The following CDKL5 variants were observed in gnomAD, a reference collection of about 807,000 sequenced individuals.
CDKL5 encodes cyclin dependent kinase like 5.
A neutral mutation model predicts 61.7 loss-of-function variants in CDKL5; 8 were observed. The ratio of observed to expected loss-of-function variants is 0.13; its 90% confidence interval spans 0.08 to 0.23. The LOEUF is 0.23. Among genes scored for constraint, CDKL5 ranks in the 10% least tolerant of loss-of-function variants. The probability of loss-of-function intolerance (pLI) is 1.00; values close to 1 mark genes in which losing one functional copy is unlikely to be tolerated. For synonymous variants in CDKL5, 275 were observed against 272.3 expected, an observed-to-expected ratio of 1.01 and a Z score of -0.10; for missense variants, 440 against 734.5, an observed-to-expected ratio of 0.60 and a Z score of 4.63.
intron 8 of CDKL5, among the ~76,000 whole-genome samples, chrX:18,587,316 A>G (rs1925672952): frequency 8.9e-6 from 1 of 111,752 alleles, no homozygotes; most frequent in African/African-American, 3.2e-5. Context: ...AGAAGAAGCT[A>G]TAAACCCCTA....
chrX:18,449,412 A>G (rs1336507773), intron 1 of CDKL5, among the ~76,000 whole-genome samples: 1 of 112,020 alleles, frequency 8.9e-6, no homozygotes, highest in East Asian at 2.8e-4. Context: ...TGCAGACATC[A>G]TGGCCGAGAA....
At chrX:18,509,499 C>T (rs1416813281) in intron 2 of CDKL5, among the ~76,000 whole-genome samples, 1 of 111,329 alleles carries the variant, frequency 9.0e-6, no homozygotes, top group South Asian at 3.8e-4. Flanking sequence ...GTGAAGCCCC[C>T]TTCTCATAGA....
At position 18,634,107 on chromosome X, in the gene CDKL5, G is replaced by A. The variant is rs1451770522; in HGVS notation, c.*5350G>A. ...CCATTTGATCCTTGGTTCCTATTTCGATCCTCCTTTGGAATCTGAAAATCG... is the reference window on the plus strand; with the variant it reads ...CCATTTGATCCTTGGTTCCTATTTCAATCCTCCTTTGGAATCTGAAAATCG... On this transcript the variant is annotated 3_prime_UTR_variant, in exon 18 of 18. Transcript: ENST00000623535. 15 of 751,798 alleles carry A rather than the reference G, an allele frequency of 2.0e-5. No individual in the cohort carries two copies. The highest frequency in any genetic ancestry group is 8.9e-5 in the Admixed American group (1 of 11,239). 62.0% of individuals were successfully genotyped at this position (751,798 alleles called of 1,213,427 possible).
intron 11 of CDKL5, among the ~76,000 whole-genome samples, chrX:18,602,581 A>G (rs1926213234): frequency 9.0e-6 from 1 of 111,453 alleles, no homozygotes; most frequent in Non-Finnish European, 1.9e-5. Flanking sequence ...CATTCAAGAG[A>G]TGAGGCCCCC....
In CDKL5 at chrX:18,529,977, T is replaced by C. The variant is rs1047066195; in HGVS notation, c.99+19123T>C. On this transcript the variant is annotated intron_variant, in intron 3 of 17. Coordinates refer to ENST00000623535, the MANE Select transcript of CDKL5 (RefSeq NM_001323289.2). Reference sequence around the variant, plus strand: ...CTTTTCTCTTCGTATTCCAATTACATATGTTACACCTTTTGTAATTTTCCC... The same window carrying C: ...CTTTTCTCTTCGTATTCCAATTACACATGTTACACCTTTTGTAATTTTCCC... Among the ~76,000 whole-genome samples, 4 of 111,374 alleles carry C rather than the reference T, an allele frequency of 3.6e-5. No individual in the cohort carries two copies. In the East Asian group the frequency reaches 1.1e-3, roughly 31 times the overall value.
chrX:18,629,854 A>T lies in CDKL5; in HGVS notation c.*1097A>T. ...TTACTCGTGGGTCTTTGTAGAGAGA[A>T]TGTGCTCTTCCACTTAGCATTAGTG... On this transcript the variant is annotated 3_prime_UTR_variant, in exon 18 of 18. Coordinates refer to ENST00000623535, the MANE Select transcript of CDKL5 (RefSeq NM_001323289.2). The T allele has an allele frequency of 8.0e-6, 6 of 754,260 alleles. No homozygotes were observed. Among genetic ancestry groups the T allele is most frequent in the Non-Finnish European group, 9.4e-6 (6 of 639,246 alleles). The allele number at this position is 754,260 out of a possible 1,213,427, so 62.2% of individuals were successfully genotyped here.
intron 3 of CDKL5, among the ~76,000 whole-genome samples, chrX:18,514,563 C>T (rs1019915453): frequency 3.7e-5 from 4 of 108,856 alleles, no homozygotes; most frequent in East Asian, 2.9e-4. Context: ...AAAAATTAGC[C>T]GGGCGTGGGG....
intron 1 of CDKL5, 133 bp downstream of exon 1, chrX:18,425,828 G>T (rs180704109): frequency 1.5e-4 from 17 of 112,697 alleles, no homozygotes; most frequent in African/African-American, 4.8e-4. Flanking sequence ...CGGGGGCGCC[G>T]GTTCCCCCGG....
intron 9 of CDKL5, among the ~76,000 whole-genome samples, chrX:18,591,545 C>G (rs146428924): frequency 1.3e-3 from 147 of 111,304 alleles, no homozygotes; most frequent in Non-Finnish European, 2.3e-3. Context: ...TCAAACCACA[C>G]AATTCTCTTT....
At chrX:18,598,367 G>C (rs1400067440) in intron 10 of CDKL5, 95 bp from the exon 11 acceptor site, 10 of 628,459 alleles carry the variant, frequency 1.6e-5, no homozygotes, top group Non-Finnish European at 2.3e-5. Context: ...TGCAATGACT[G>C]TGTATTTCTT....
At chrX:18,532,485 A>G (rs1453005167) in intron 3 of CDKL5, among the ~76,000 whole-genome samples, 1 of 111,045 alleles carries the variant, frequency 9.0e-6, no homozygotes, top group East Asian at 2.8e-4. Flanking sequence ...TTTCTAAGGC[A>G]CTTTGAAATC....
intron 3 of CDKL5, among the ~76,000 whole-genome samples, chrX:18,561,359 G>A (rs761005762): frequency 9.1e-6 from 1 of 110,032 alleles, no homozygotes; most frequent in South Asian, 3.8e-4. Flanking sequence ...AAACATGAAT[G>A]CAAATCAATC....
At chrX:18,443,440 A>G (rs1418479750) in intron 1 of CDKL5, among the ~76,000 whole-genome samples, 1 of 112,112 alleles carries the variant, frequency 8.9e-6, no homozygotes, top group East Asian at 2.8e-4. Flanking sequence ...ATATTATTTC[A>G]TCATCCAGGT....
In CDKL5 at chrX:18,633,060, C is replaced by G. The variant is rs1015232183; in HGVS notation, c.*4303C>G. 1 of 752,423 alleles carries G rather than the reference C, an allele frequency of 1.3e-6. No homozygotes were observed. The highest frequency in any genetic ancestry group is 1.6e-6 in the Non-Finnish European group (1 of 638,943). 62.0% of individuals were successfully genotyped at this position (752,423 alleles called of 1,213,427 possible). A position where few individuals can be genotyped will look rare whatever the true frequency, so the allele number is the denominator to read the frequency against. On this transcript the variant is annotated 3_prime_UTR_variant, in exon 18 of 18. Transcript: ENST00000623535. ...GGCAATGGCTCAATGTGATTCGGTGCTGGAGCTCAGCTGGGACTCAGTAAA... is the reference window on the plus strand; with the variant it reads ...GGCAATGGCTCAATGTGATTCGGTGGTGGAGCTCAGCTGGGACTCAGTAAA...
chrX:18,590,476 G>C (rs144262478), intron 9 of CDKL5, among the ~76,000 whole-genome samples: 1 of 111,292 alleles, frequency 9.0e-6, no homozygotes, highest in Non-Finnish European at 1.9e-5. Context: ...TTTCCCTTTA[G>C]AGACCACCAC....
chrX:18,528,530 A>G (rs924951824), intron 3 of CDKL5, among the ~76,000 whole-genome samples: 38 of 110,602 alleles, frequency 3.4e-4, no homozygotes, highest in African/African-American at 1.2e-3. Context: ...GATTAGTGTT[A>G]TCGTGGTATA....
chrX:18,540,671 T>TTTCCCC (rs986442427), intron 3 of CDKL5, among the ~76,000 whole-genome samples: 4 of 110,007 alleles, frequency 3.6e-5, no homozygotes, highest in Non-Finnish European at 5.7e-5. Flanking sequence ...TTTTCTTTTC[T>TTTCCCC]TTCCCCTTCC....
At chrX:18,576,227 T>G (rs1303438449) in intron 5 of CDKL5, among the ~76,000 whole-genome samples, 1 of 111,141 alleles carries the variant, frequency 9.0e-6, no homozygotes, top group Non-Finnish European at 1.9e-5. Context: ...CTCAGGAGTT[T>G]GAGAATAGCC....
At chrX:18,591,225 C>A (rs193057310) in intron 9 of CDKL5, among the ~76,000 whole-genome samples, 1 of 112,005 alleles carries the variant, frequency 8.9e-6, no homozygotes, top group African/African-American at 3.2e-5. Flanking sequence ...TGTTTCTTTA[C>A]TTGTTAATTG....
Sources: allele counts gnomAD v4.1 joint callset (sites outside exome capture counted in the v4.1 genomes callset), GRCh38; gene constraint gnomAD v4.1.1; transcripts MANE v1.5; gene names NCBI Gene and HGNC (gene_info 2026-07-23, HGNC 2026-07-21).